The following DHX57 variants were observed in gnomAD, a reference collection of about 807,000 sequenced individuals.
DHX57 encodes the protein DExH-box helicase 57.
Under a neutral mutation model 156.2 loss-of-function variants are expected in DHX57, and 105 were observed. The observed-to-expected ratio is 0.67, with a 90% CI of 0.57 to 0.79. The LOEUF is 0.79. Among genes scored for constraint, DHX57 ranks in the 30% least tolerant of loss-of-function variants. The pLI is 0.00. For synonymous variants in DHX57, 704 were observed against 595.6 expected (o/e 1.18, Z -2.65); for missense variants, 1,847 against 1,661.9 (o/e 1.11, Z -1.94).
In DHX57 at chr2:38,825,866, A is replaced by G. The variant is rs549326932; in HGVS notation, c.2995T>C (p.Leu999=). 5.3e-5 allele frequency: 85 copies of G among 1,614,160 alleles called. No homozygotes were observed. Among genetic ancestry groups the G allele is most frequent in the South Asian group, 4.4e-4 (40 of 91,082 alleles). The change falls in exon 16 of 24, where the codon TTG becomes CTG. Residue 999 remains leucine (L), a synonymous_variant. Coordinates refer to ENST00000457308, the MANE Select transcript of DHX57 (RefSeq NM_198963.3). Reference sequence around the variant, plus strand: ...TGTCACCTTAGACACAGCTGTTCCAATGGCACTCTTTGTATTTCTGGTAGC... The same window carrying G: ...TGTCACCTTAGACACAGCTGTTCCAGTGGCACTCTTTGTATTTCTGGTAGC... ...QQLPEIQRVP[L]EQLCLRIKIL...
chr2:38,819,456 A>G (rs1202691468), intron 17 of DHX57, among the ~76,000 whole-genome samples: 1 of 152,232 alleles, frequency 6.6e-6, no homozygotes, highest in African/African-American at 2.4e-5. Flanking sequence ...CATTATAGGC[A>G]TGAGCCACCA....
rs1466192517 is a variant in DHX57 at position 38,804,201 on chromosome 2, A to T, written c.3817-1286T>A. Among the ~76,000 whole-genome samples the T allele has an allele frequency of 2.6e-5, 4 of 152,190 alleles. No individual in the cohort carries two copies. The East Asian group carries it at 5.8e-4, about 22-fold the overall frequency. On this transcript the variant is annotated intron_variant, in intron 22 of 23. Coordinates refer to ENST00000457308, the MANE Select transcript of DHX57 (RefSeq NM_198963.3). ...GCAATCAAGGTGATCTTTTAAAAAC[A>T]TAAGTCTGGCAGGGCGTGGTGGCTC...
intron 19 of DHX57, among the ~76,000 whole-genome samples, chr2:38,818,588 A>G (rs1263469464): frequency 6.6e-6 from 1 of 152,134 alleles, no homozygotes; most frequent in Non-Finnish European, 1.5e-5. Flanking sequence ...TAATTACTGA[A>G]AAAACTGACT....
intron 2 of DHX57, 47 bp downstream of exon 2, chr2:38,868,135 G>A (rs1052583079): frequency 6.2e-6 from 10 of 1,600,056 alleles, no homozygotes; most frequent in African/African-American, 1.3e-5. Context: ...CATACATTAG[G>A]GGTTGATACC....
chr2:38,825,909 G>A lies in DHX57; in HGVS notation c.2952C>T (p.His984=). ...CTGGTAGCTGTTGTTTTAAAAGCTG[G>A]TGATTGTAGTGATGGCTAGTGAATA... ...FHLFTSHHYN[H]QLLKQQLPEI... The change falls in exon 16 of 24, where the codon CAC becomes CAT. Residue 984 remains histidine (H), a synonymous_variant. Coordinates refer to ENST00000457308, the MANE Select transcript of DHX57 (RefSeq NM_198963.3). 2 of 1,614,190 alleles carry A rather than the reference G, an allele frequency of 1.2e-6. No homozygotes were observed. The highest frequency in any genetic ancestry group is 1.7e-6 in the Non-Finnish European group (2 of 1,180,022).
At chr2:38,811,285 G>A (rs1451289442) in intron 21 of DHX57, 9 of 519,004 alleles carry the variant, frequency 1.7e-5, no homozygotes, top group East Asian at 1.4e-4. Flanking sequence ...AGTAGCAGGC[G>A]AGCTCAAACC....
At position 38,862,334 on chromosome 2, in the gene DHX57, C is replaced by T. The variant is rs765183689; in HGVS notation, c.384-1G>A. ...TTCCTCCTCCCCAGAAAGGCCTCTTCTAGCAAAGGCAACATTTTCATATAT... is the reference window on the plus strand; with the variant it reads ...TTCCTCCTCCCCAGAAAGGCCTCTTTTAGCAAAGGCAACATTTTCATATAT... On this transcript the variant is annotated splice_acceptor_variant, in intron 3 of 23. Coordinates refer to ENST00000457308, the MANE Select transcript of DHX57 (RefSeq NM_198963.3). LOFTEE classifies it high-confidence loss of function. 81 of 1,558,988 alleles carry T rather than the reference C, an allele frequency of 5.2e-5. No homozygotes were observed. The highest frequency in any genetic ancestry group is 6.7e-5 in the Non-Finnish European group (77 of 1,148,408).
chr2:38,807,445 C>T (rs550098163), intron 21 of DHX57, among the ~76,000 whole-genome samples: 160 of 152,144 alleles, frequency 1.1e-3, no homozygotes, highest in African/African-American at 3.7e-3. Flanking sequence ...GCAAGTTCCG[C>T]CTCCCGGGTT....
intron 17 of DHX57, among the ~76,000 whole-genome samples, chr2:38,821,522 C>T (rs955840412): frequency 2.0e-5 from 3 of 151,910 alleles, no homozygotes; most frequent in East Asian, 1.9e-4. Flanking sequence ...GGTGAAACCC[C>T]GTCTCTATAA....
At chr2:38,866,092 C>A (rs1665056399) in intron 2 of DHX57, among the ~76,000 whole-genome samples, 1 of 152,098 alleles carries the variant, frequency 6.6e-6, no homozygotes, top group African/African-American at 2.4e-5. Flanking sequence ...AAGGAAGGAG[C>A]ACCATTTTCT....
At chr2:38,811,118 A>G (rs1374659900) in intron 21 of DHX57, 1 of 549,878 alleles carries the variant, frequency 1.8e-6, no homozygotes, top group Non-Finnish European at 3.4e-6. Context: ...GCTGATGTGC[A>G]TGAGGTTCTC....
chr2:38,815,222 C>T (rs1427507816), intron 20 of DHX57, among the ~76,000 whole-genome samples: 1 of 152,048 alleles, frequency 6.6e-6, no homozygotes, highest in Non-Finnish European at 1.5e-5. Context: ...GGTACACCAC[C>T]ATGCCTGGCT....
chr2:38,822,338 C>T (rs1416019652), intron 17 of DHX57, among the ~76,000 whole-genome samples: 1 of 152,162 alleles, frequency 6.6e-6, no homozygotes, highest in Non-Finnish European at 1.5e-5. Context: ...GCCTCGGCCT[C>T]CCAAAGAGCT....
At chr2:38,830,577 C>T (rs1157313015) in intron 13 of DHX57, among the ~76,000 whole-genome samples, 3 of 151,650 alleles carry the variant, frequency 2.0e-5, no homozygotes, top group African/African-American at 4.8e-5. Flanking sequence ...TGCAGTGAGC[C>T]GAGACCATGC....
At chr2:38,848,138 G>C in intron 10 of DHX57, 131 bp downstream of exon 10, 3 of 1,052,104 alleles carry the variant, frequency 2.9e-6, no homozygotes, top group Non-Finnish European at 3.9e-6. Context: ...GCATTATATG[G>C]TTTATGATTT....
At position 38,797,841 on chromosome 2, in the gene DHX57, G is replaced by A. The variant is rs553074530; in HGVS notation, c.*458C>T. 1 of 163,592 alleles carries A rather than the reference G, an allele frequency of 6.1e-6. No homozygotes were observed. Among genetic ancestry groups the A allele is most frequent in the African/African-American group, 2.4e-5 (1 of 41,216 alleles). 10.1% of individuals were successfully genotyped at this position (163,592 alleles called of 1,614,324 possible). A position where few individuals can be genotyped will look rare whatever the true frequency, so the allele number is the denominator to read the frequency against. On this transcript the variant is annotated 3_prime_UTR_variant, in exon 24 of 24. Transcript: ENST00000457308. ...TAATTTTGCTTGTTCACATAATTTT[G>A]GGTTTTTTTTCCCCTTCTCTGTTCT...
At chr2:38,839,104 G>A (rs920797337) in intron 12 of DHX57, among the ~76,000 whole-genome samples, 6 of 151,474 alleles carry the variant, frequency 4.0e-5, no homozygotes, top group East Asian at 2.0e-4. Context: ...GCTAATTTTT[G>A]TATTTTTAGT....
At chr2:38,851,441 T>C (rs1672589705) in intron 9 of DHX57, among the ~76,000 whole-genome samples, 1 of 152,212 alleles carries the variant, frequency 6.6e-6, no homozygotes, top group Non-Finnish European at 1.5e-5. Flanking sequence ...TAGATTTTAT[T>C]AGTTTTTGCT....
intron 13 of DHX57, among the ~76,000 whole-genome samples, chr2:38,833,102 C>T (rs1572658492): frequency 1.3e-5 from 2 of 149,356 alleles, no homozygotes; most frequent in East Asian, 2.0e-4. Context: ...GTATGCAAAA[C>T]TCCAATTTCA....
Sources: gnomAD v4.1 joint callset for allele counts (sites outside exome capture counted in the v4.1 genomes callset) on GRCh38, gnomAD v4.1.1 for gene constraint, MANE v1.5 for transcripts, NCBI Gene and HGNC (gene_info 2026-07-23, HGNC 2026-07-21) for gene names.